Variants in INSL6 observed in about 807,000 individuals in gnomAD.
INSL6 encodes insulin-like peptide INSL6.
In INSL6, 16 loss-of-function variants were observed where a neutral mutation model predicts 9.4. The ratio of observed to expected loss-of-function variants is 1.70; its 90% CI spans 1.15 to 2.59. The LOEUF (loss-of-function observed/expected upper bound fraction) is 2.59. INSL6 is among the 30% of genes most tolerant of loss of function. The probability of loss-of-function intolerance (pLI) is 0.00; values close to 1 mark genes in which losing one functional copy is unlikely to be tolerated. For missense variants in INSL6, 391 were observed against 257.3 expected, an observed-to-expected ratio of 1.52 and a Z score of -3.56; for synonymous variants, 154 against 96.9, an observed-to-expected ratio of 1.59 and a Z score of -3.46.
the INSL6 span, chr9:5,111,300 G>A: frequency 8.5e-6 from 4 of 468,182 alleles, no homozygotes; most frequent in Non-Finnish European, 1.2e-5. Context: ...GGGCAAGCTG[G>A]CCCTCAGCAG....
the INSL6 span, among the ~76,000 whole-genome samples, chr9:5,016,487 A>C: frequency 6.6e-6 from 1 of 152,234 alleles, no homozygotes; most frequent in Non-Finnish European, 1.5e-5. Flanking sequence ...TGTAGTGCTA[A>C]GAAAAATAGT....
the INSL6 span, chr9:5,041,003 G>A: frequency 4.6e-6 from 3 of 649,310 alleles, no homozygotes; most frequent in Admixed American, 2.1e-5. Context: ...ATCAAGTTCC[G>A]GACCCCGCAG....
At chr9:5,092,240 C>T in the INSL6 span, among the ~76,000 whole-genome samples, 2 of 152,032 alleles carry the variant, frequency 1.3e-5, no homozygotes, top group Non-Finnish European at 2.9e-5. Context: ...AGCAGTAAAC[C>T]AAGAGTAGAG....
downstream of INSL6, among the ~76,000 whole-genome samples, chr9:5,160,795 A>T (rs1439141629): frequency 2.6e-5 from 4 of 152,160 alleles, no homozygotes; most frequent in Admixed American, 2.6e-4. Context: ...GGATCATTAG[A>T]GGCTACAATG....
At chr9:5,075,924 C>CA in the INSL6 span, among the ~76,000 whole-genome samples, 915 of 152,164 alleles carry the variant, frequency 6.0e-3, 14 homozygotes, top group African/African-American at 0.021. Context: ...GGAAGGAGAT[C>CA]AAAATGGCAG....
At chr9:5,080,186 C>G in the INSL6 span, 1 of 1,421,364 alleles carries the variant, frequency 7.0e-7, no homozygotes, top group South Asian at 1.4e-5. Context: ...GATTGGTTTA[C>G]TTGTGAATTA....
At chr9:5,028,558 T>C in the INSL6 span, among the ~76,000 whole-genome samples, 3 of 152,352 alleles carry the variant, frequency 2.0e-5, no homozygotes, top group Non-Finnish European at 2.9e-5. Flanking sequence ...CACTGACTTC[T>C]TTCTAGCTAT....
chr9:4,999,507 G>A, the INSL6 span, among the ~76,000 whole-genome samples: 42 of 152,204 alleles, frequency 2.8e-4, no homozygotes, highest in Admixed American at 1.0e-3. Context: ...TAACATATTA[G>A]GGTTCTCTAG....
the INSL6 span, among the ~76,000 whole-genome samples, chr9:5,053,433 T>C: frequency 5.9e-5 from 9 of 152,250 alleles, no homozygotes; most frequent in African/African-American, 9.6e-5. Flanking sequence ...CTGTGTATTG[T>C]TATTTTACTT....
At chr9:5,035,915 T>C in the INSL6 span, among the ~76,000 whole-genome samples, 2 of 152,102 alleles carry the variant, frequency 1.3e-5, no homozygotes, top group East Asian at 1.9e-4. Flanking sequence ...AAAGGTTATT[T>C]GATTAGGAAA....
intron 3 of INSL6, among the ~76,000 whole-genome samples, chr9:5,130,140 C>A (rs547592700): frequency 2.3e-4 from 35 of 152,130 alleles, no homozygotes; most frequent in African/African-American, 8.2e-4. Flanking sequence ...ATTTACATAG[C>A]AAATTGCTTA....
At chr9:5,181,766 C>T (rs1469953636) in intron 1 of INSL6, among the ~76,000 whole-genome samples, 5 of 151,968 alleles carry the variant, frequency 3.3e-5, no homozygotes, top group African/African-American at 1.2e-4. Context: ...GATAACAATT[C>T]CAACAAGAAT....
chr9:5,131,596 C>A (rs1824288794), intron 3 of INSL6, among the ~76,000 whole-genome samples: 1 of 151,906 alleles, frequency 6.6e-6, no homozygotes, highest in South Asian at 2.1e-4. Context: ...CGCCACCACG[C>A]CCGGCTAATT....
intron 1 of INSL6, among the ~76,000 whole-genome samples, chr9:5,165,969 C>G (rs1825041753): frequency 6.6e-6 from 1 of 152,172 alleles, no homozygotes; most frequent in Non-Finnish European, 1.5e-5. Flanking sequence ...TGGCACCTGA[C>G]CCAAAAGAAA....
chr9:5,022,035 C>A, the INSL6 span: 1 of 1,614,164 alleles, frequency 6.2e-7, no homozygotes, highest in Non-Finnish European at 8.5e-7. Context: ...GAACATCCAC[C>A]TCTTCTATAT....
At chr9:5,048,065 A>T in the INSL6 span, among the ~76,000 whole-genome samples, 1 of 152,102 alleles carries the variant, frequency 6.6e-6, no homozygotes, top group East Asian at 1.9e-4. Flanking sequence ...CTCATTTTTC[A>T]TATATTTATT....
chr9:5,037,078 C>T, the INSL6 span, among the ~76,000 whole-genome samples: 1 of 152,174 alleles, frequency 6.6e-6, no homozygotes, highest in Non-Finnish European at 1.5e-5. Flanking sequence ...TGAAAGAAGA[C>T]ATTTATGCAG....
the INSL6 span, among the ~76,000 whole-genome samples, chr9:5,102,583 G>A: frequency 1.1e-4 from 16 of 152,146 alleles, no homozygotes; most frequent in African/African-American, 2.9e-4. Flanking sequence ...CCCAAGACAC[G>A]TAATTGTCAT....
At chr9:5,119,506 A>C (rs994518336), downstream of INSL6, among the ~76,000 whole-genome samples, 1 of 152,124 alleles carries the variant, frequency 6.6e-6, no homozygotes, top group Non-Finnish European at 1.5e-5. Flanking sequence ...TCATGAGGGC[A>C]GTCAGGATAA....
Sources: allele counts gnomAD v4.1 joint callset (sites outside exome capture counted in the v4.1 genomes callset), GRCh38; gene constraint gnomAD v4.1.1; transcripts MANE v1.5; gene names NCBI Gene and HGNC (gene_info 2026-07-23, HGNC 2026-07-21).